Variants in ZC3HAV1 observed in about 807,000 individuals in gnomAD.
ZC3HAV1 encodes zinc finger CCCH-type containing, antiviral 1.
A neutral mutation model predicts 86.6 loss-of-function variants in ZC3HAV1; 41 were observed. The ratio of observed to expected loss-of-function variants is 0.47; its 90% CI spans 0.37 to 0.61. The LOEUF (loss-of-function observed/expected upper bound fraction) is 0.61, where lower values mean the gene tolerates loss of function less well. Ranked by LOEUF, ZC3HAV1 falls within the 20% of genes least tolerant of loss-of-function variation. The pLI is 0.00. For missense variants in ZC3HAV1, 964 were observed against 1,141.1 expected (o/e 0.84, Z 2.24); for synonymous variants, 421 against 432.1 (o/e 0.97, Z 0.32).
chr7:139,106,918 A>G (rs1817952972), intron 1 of ZC3HAV1, among the ~76,000 whole-genome samples: 1 of 151,548 alleles, frequency 6.6e-6, no homozygotes, highest in Non-Finnish European at 1.5e-5. Context: ...AACTGGCCAT[A>G]TTTTCAAAAC....
intron 9 of ZC3HAV1, among the ~76,000 whole-genome samples, chr7:139,058,512 G>C (rs556072056): frequency 6.6e-6 from 1 of 152,116 alleles, no homozygotes; most frequent in African/African-American, 2.4e-5. Flanking sequence ...GAGGTTGGTG[G>C]GGAGGGAGGG....
At position 139,047,334 on chromosome 7, in the gene ZC3HAV1, A is replaced by G. The variant is rs1584831592; in HGVS notation, c.*260T>C. 1.1e-5 allele frequency: 1 copy of G among 90,238 alleles called. No homozygotes were observed. The highest frequency in any genetic ancestry group is 1.9e-5 in the Non-Finnish European group (1 of 51,882). 5.6% of individuals were successfully genotyped at this position (90,238 alleles called of 1,614,324 possible). A position where few individuals can be genotyped will look rare whatever the true frequency, so the allele number is the denominator to read the frequency against. On this transcript the variant is annotated 3_prime_UTR_variant, in exon 13 of 13. Transcript: ENST00000242351. Reference sequence around the variant, plus strand: ...ATGGAGTGAGATTCAGTCTCAAAAAAAAAAAAAAAAAAAAAAATACAACTG... The same window carrying G: ...ATGGAGTGAGATTCAGTCTCAAAAAGAAAAAAAAAAAAAAAAATACAACTG...
intron 1 of ZC3HAV1, among the ~76,000 whole-genome samples, chr7:139,097,428 A>T (rs200224419): frequency 0.14 from 6,879 of 48,072 alleles, 639 homozygotes; most frequent in Admixed American, 0.16. Flanking sequence ...ATATATATAT[A>T]TTTTTTTTTT....
At chr7:139,080,807 G>A (rs916995543) in intron 3 of ZC3HAV1, among the ~76,000 whole-genome samples, 1 of 152,110 alleles carries the variant, frequency 6.6e-6, no homozygotes, top group Non-Finnish European at 1.5e-5. Flanking sequence ...GATAGATTAG[G>A]GCAAATCAGA....
chr7:139,070,680 A>T (rs1816748385), intron 7 of ZC3HAV1, among the ~76,000 whole-genome samples: 1 of 147,408 alleles, frequency 6.8e-6, no homozygotes, highest in Non-Finnish European at 1.5e-5. Flanking sequence ...AAAAAAAAAA[A>T]AAACCTCAGG....
In ZC3HAV1 at chr7:139,083,954, C is replaced by T. The variant is rs1292823143; in HGVS notation, c.523G>A (p.Asp175Asn). The T allele has an allele frequency of 1.2e-6, 2 of 1,614,026 alleles. No homozygotes were observed. Among genetic ancestry groups the T allele is most frequent in the East Asian group, 4.5e-5 (2 of 44,862 alleles). Residue 175 changes from aspartate to asparagine, a missense_variant, in exon 3 of 13, where the codon GAC becomes AAC. Physicochemically the swap from Asp to Asn is conservative, Grantham distance 23. Transcript: ENST00000242351. ...CGACAGTTCCCTCGGGTGAAGTGGTCACAGATGTGGAGTCTTGAACACGGT... is the reference window on the plus strand; with the variant it reads ...CGACAGTTCCCTCGGGTGAAGTGGTTACAGATGTGGAGTCTTGAACACGGT... ...QPPCSRLHICDHFTRGNCRFP... is the reference protein window; with the variant it reads ...QPPCSRLHICNHFTRGNCRFP...
rs1449409941 is a variant in ZC3HAV1 at position 139,045,758 on chromosome 7, T to TG, written c.*1835dup. ...TGTCTAATGGGCTGTTGGAAAGAGTTGGACAAACTGCACCCCTACAATGTG... is the reference window on the plus strand; with the variant it reads ...TGTCTAATGGGCTGTTGGAAAGAGTTGGGACAAACTGCACCCCTACAATGTG... On this transcript the variant is annotated 3_prime_UTR_variant, in exon 13 of 13. Coordinates refer to ENST00000242351, the MANE Select transcript of ZC3HAV1 (RefSeq NM_020119.4). The TG allele has an allele frequency of 6.6e-6, 1 of 151,998 alleles. No individual in the cohort carries two copies. The highest frequency in any genetic ancestry group is 1.5e-5 in the Non-Finnish European group (1 of 67,996). 9.4% of individuals were successfully genotyped at this position (151,998 alleles called of 1,614,324 possible).
chr7:139,049,357 T>C (rs1441597933), intron 12 of ZC3HAV1: 3 of 152,186 alleles, frequency 2.0e-5, no homozygotes, highest in African/African-American at 4.8e-5. Flanking sequence ...CATTTTTTCA[T>C]GAACTCATTG....
intron 1 of ZC3HAV1, among the ~76,000 whole-genome samples, chr7:139,102,466 T>G (rs1817802145): frequency 1.3e-5 from 2 of 152,238 alleles, no homozygotes; most frequent in South Asian, 2.1e-4. Context: ...ATATAAATTG[T>G]GTACATTCAT....
intron 8 of ZC3HAV1, among the ~76,000 whole-genome samples, chr7:139,062,731 C>T: frequency 1.3e-5 from 2 of 152,176 alleles, no homozygotes; most frequent in Middle Eastern, 6.8e-3. Flanking sequence ...CAGTCTAGTT[C>T]AGGAATAGAA....
At chr7:139,063,601 A>G (rs1247629361) in intron 8 of ZC3HAV1, among the ~76,000 whole-genome samples, 1 of 151,224 alleles carries the variant, frequency 6.6e-6, no homozygotes, top group African/African-American at 2.4e-5. Context: ...GCATGAACCT[A>G]TACTCCCAGT....
chr7:139,080,290 G>A (rs895485922), intron 3 of ZC3HAV1, 47 bp from the exon 4 acceptor site: 6 of 1,608,744 alleles, frequency 3.7e-6, no homozygotes, highest in Admixed American at 3.3e-5. Flanking sequence ...GAACATTGGA[G>A]TTAATGTGAC....
chr7:139,087,995 G>A (rs1563137076), intron 2 of ZC3HAV1, among the ~76,000 whole-genome samples: 1 of 125,662 alleles, frequency 8.0e-6, no homozygotes, highest in East Asian at 2.4e-4. Context: ...TCATGTCATT[G>A]CACTACAGCC....
chr7:139,065,573 A>C (rs1482401988), intron 7 of ZC3HAV1, among the ~76,000 whole-genome samples: 1 of 152,150 alleles, frequency 6.6e-6, no homozygotes, highest in Non-Finnish European at 1.5e-5. Flanking sequence ...AACTAACTGA[A>C]AATGCACTTG....
At chr7:139,058,133 T>C (rs980890639) in intron 9 of ZC3HAV1, among the ~76,000 whole-genome samples, 49 of 151,538 alleles carry the variant, frequency 3.2e-4, no homozygotes, top group African/African-American at 1.2e-3. Context: ...AGGATTAAAT[T>C]TGGTTCTCTG....
chr7:139,079,168 G>C lies in ZC3HAV1; in HGVS notation c.1471+302C>G, dbSNP rs1309534933. 3.3e-6 allele frequency: 5 copies of C among 1,536,220 alleles called. No individual in the cohort carries two copies. The East Asian group carries it at 7.3e-5, about 23-fold the overall frequency. On this transcript the variant is annotated intron_variant, in intron 4 of 12. Transcript: ENST00000242351. ...CAGAGGAAACAGGAACCTGGGTGCA[G>C]TTCTGCCCTTGGGCCCCCCAGACTG...
Position 139,046,376 on chromosome 7 carries a change from C to T in ZC3HAV1, c.*1218G>A, listed in dbSNP as rs1484575838. On this transcript the variant is annotated 3_prime_UTR_variant, in exon 13 of 13. Transcript: ENST00000242351. The stretch of plus-strand genomic sequence containing the variant: ...GGCTCACTTGCCAAGACTACAATAG[C>T]ACTCGCGTTTATCAGTTATGCTTGT... 1 of 152,184 alleles carries T rather than the reference C, an allele frequency of 6.6e-6. No homozygotes were observed. Among genetic ancestry groups the T allele is most frequent in the African/African-American group, 2.4e-5 (1 of 41,438 alleles). The allele number at this position is 152,184 out of a possible 1,614,324, so 9.4% of individuals were successfully genotyped here.
At chr7:139,066,135 C>T (rs1356037208) in intron 7 of ZC3HAV1, among the ~76,000 whole-genome samples, 1 of 152,044 alleles carries the variant, frequency 6.6e-6, no homozygotes, top group Non-Finnish European at 1.5e-5. Context: ...AGCAGGGGTT[C>T]CCAGTATTTA....
chr7:139,058,444 C>G (rs919669984), intron 9 of ZC3HAV1, among the ~76,000 whole-genome samples: 1,716 of 121,090 alleles, frequency 0.014, 48 homozygotes, highest in East Asian at 0.14. Flanking sequence ...CCCCCAACCC[C>G]CCCCCCCCCC....
Sources: allele counts gnomAD v4.1 joint callset (sites outside exome capture counted in the v4.1 genomes callset), GRCh38; gene constraint gnomAD v4.1.1; transcripts MANE v1.5; gene names NCBI Gene and HGNC (gene_info 2026-07-23, HGNC 2026-07-21).